Variants in SULT1B1 observed in about 807,000 individuals in gnomAD.
SULT1B1 encodes the protein sulfotransferase 1B1.
Under a neutral mutation model 34.6 loss-of-function variants are expected in SULT1B1, and 28 were observed. That is an observed-to-expected ratio of 0.81 (90% CI 0.60 to 1.11). SULT1B1 has a LOEUF of 1.11. Ranked by LOEUF, SULT1B1 falls within the 50% of genes least tolerant of loss-of-function variation. The pLI, the probability that SULT1B1 is intolerant of heterozygous loss-of-function variation, is 0.00. For synonymous variants in SULT1B1, 147 were observed against 110.2 expected (o/e 1.33, Z -2.09); for missense variants, 374 against 352.2 (o/e 1.06, Z -0.50).
intron 4 of SULT1B1, among the ~76,000 whole-genome samples, chr4:69,746,932 G>T (rs570821636): frequency 1.3e-5 from 2 of 152,246 alleles, no homozygotes; most frequent in African/African-American, 4.8e-5. Flanking sequence ...GGGTTTATTA[G>T]ATTGTTTTCC....
intron 6 of SULT1B1, among the ~76,000 whole-genome samples, chr4:69,731,769 A>C (rs1718089791): frequency 6.6e-6 from 1 of 152,222 alleles, no homozygotes; most frequent in Non-Finnish European, 1.5e-5. Context: ...GGATATGCTT[A>C]AAAAGGTAAC....
At position 69,752,754 on chromosome 4, in the gene SULT1B1, C is replaced by A. The variant is rs550610932; in HGVS notation, c.277+1916G>T. 2.4e-4 allele frequency among the ~76,000 whole-genome samples: 36 copies of A among 152,302 alleles called. 1 individual carries two copies. The highest frequency in any genetic ancestry group is 7.2e-4 in the African/African-American group (30 of 41,570). ...CAGTCAGCCTGCTGAGGGGCACCTCCATTATAGAAGAGGATTTGGATATTT... is the reference window on the plus strand; with the variant it reads ...CAGTCAGCCTGCTGAGGGGCACCTCAATTATAGAAGAGGATTTGGATATTT... On this transcript the variant is annotated intron_variant, in intron 3 of 7. Transcript: ENST00000310613.
chr4:69,752,202 T>A (rs1374897209), intron 3 of SULT1B1, among the ~76,000 whole-genome samples: 1 of 152,240 alleles, frequency 6.6e-6, no homozygotes, highest in East Asian at 1.9e-4. Flanking sequence ...TATACTTGAA[T>A]TTTAAGTTGA....
At position 69,730,508 on chromosome 4, in the gene SULT1B1, C is replaced by G. The variant is rs1278194502; in HGVS notation, c.771G>C (p.Met257Ile). The G allele has an allele frequency of 1.9e-6, 3 of 1,600,730 alleles. No individual in the cohort carries two copies. Among genetic ancestry groups the G allele is most frequent in the African/African-American group, 2.7e-5 (2 of 74,668 alleles). ...ACCCAGCAAAGTATTTACCTTTACG[C>G]ATAAAAGGGGATTTGCTATGATCCA... ...TVMDHSKSPF[M>I]RKGTAGDWKN... The change falls in exon 7 of 8, where the codon ATG becomes ATC. Residue 257 changes from methionine to isoleucine, a missense_variant. Physicochemically the swap from Met to Ile is conservative, Grantham distance 10 (BLOSUM62 1). Coordinates refer to ENST00000310613, the MANE Select transcript of SULT1B1 (RefSeq NM_014465.4).
In SULT1B1 at chr4:69,726,313, C is replaced by T. The variant is rs1717835560; in HGVS notation, c.*775G>A. ...ATATAAGATTAAGTAACTGAAGTTC[C>T]CAAATGGTGACCAGAACACAGCAGT... is the stretch of plus-strand genomic sequence containing the variant. On this transcript the variant is annotated 3_prime_UTR_variant, in exon 8 of 8. Transcript: ENST00000310613. 1 of 151,026 alleles carries T rather than the reference C, an allele frequency of 6.6e-6. No homozygotes were observed. The highest frequency in any genetic ancestry group is 2.1e-4 in the South Asian group (1 of 4,794). 9.4% of individuals were successfully genotyped at this position (151,026 alleles called of 1,614,324 possible). A position where few individuals can be genotyped will look rare whatever the true frequency, so the allele number is the denominator to read the frequency against.
At chr4:69,737,399 A>G (rs1204169713) in intron 4 of SULT1B1, among the ~76,000 whole-genome samples, 1 of 152,196 alleles carries the variant, frequency 6.6e-6, no homozygotes, top group African/African-American at 2.4e-5. Context: ...AAAACTTTAG[A>G]AAAGAAAAAG....
At chr4:69,733,824 A>G (rs949595944) in intron 5 of SULT1B1, among the ~76,000 whole-genome samples, 4 of 152,160 alleles carry the variant, frequency 2.6e-5, no homozygotes, top group African/African-American at 7.2e-5. Context: ...TAAATATGAC[A>G]TATGCATTAA....
chr4:69,749,620 T>A, intron 4 of SULT1B1, 101 bp downstream of exon 4: 1 of 779,670 alleles, frequency 1.3e-6, no homozygotes. Context: ...TTGTTGCAAG[T>A]ATATGGTTAA....
At chr4:69,755,425 A>G (rs11569730) in intron 1 of SULT1B1, among the ~76,000 whole-genome samples, 164 bp from the exon 2 acceptor site, 18 of 152,178 alleles carry the variant, frequency 1.2e-4, no homozygotes, top group African/African-American at 3.9e-4. Flanking sequence ...AGATTGCAAG[A>G]GCAGTAACTG....
intron 4 of SULT1B1, among the ~76,000 whole-genome samples, chr4:69,735,532 G>C (rs1452120861): frequency 6.6e-6 from 1 of 152,146 alleles, no homozygotes; most frequent in Non-Finnish European, 1.5e-5. Context: ...CATTCACAGT[G>C]ATGACATCAG....
chr4:69,727,102 G>A lies in SULT1B1; in HGVS notation c.877C>T (p.Arg293Cys), dbSNP rs143470126. 166 of 1,602,910 alleles carry A rather than the reference G, an allele frequency of 1.0e-4. No individual in the cohort carries two copies. In the East Asian group the frequency reaches 2.0e-3, roughly 20 times the overall value. Residue 293 changes from arginine (R) to cysteine (C), a missense_variant, in exon 8 of 8, where the codon CGC becomes TGC. Transcript: ENST00000310613. Reference protein sequence around the residue: ...TEMSKTALQFRTEI With the variant: ...TEMSKTALQFCTEI ...ATTTAGACACTTTAAATCTCTGTGCGGAATTGAAGTGCAGTTTTGGACATT... is the reference window on the plus strand; with the variant it reads ...ATTTAGACACTTTAAATCTCTGTGCAGAATTGAAGTGCAGTTTTGGACATT...
At chr4:69,735,173 A>G (rs1718253453) in intron 4 of SULT1B1, among the ~76,000 whole-genome samples, 1 of 152,118 alleles carries the variant, frequency 6.6e-6, no homozygotes, top group Non-Finnish European at 1.5e-5. Context: ...ACAATGATAC[A>G]AGAACTCCAA....
At chr4:69,754,103 G>A (rs182500141) in intron 3 of SULT1B1, among the ~76,000 whole-genome samples, 2 of 151,928 alleles carry the variant, frequency 1.3e-5, no homozygotes, top group Admixed American at 6.6e-5. Flanking sequence ...CCTATTGTTC[G>A]CTTCCACAGA....
rs1267280490 is a variant in SULT1B1, at chr4:69,754,870, A to G, written c.149-72T>C. 3.9e-6 allele frequency: 6 copies of G among 1,522,098 alleles called. No homozygotes were observed. In the East Asian group the frequency reaches 1.1e-4, roughly 29 times the overall value. 94.3% of individuals were successfully genotyped at this position (1,522,098 alleles called of 1,614,324 possible). ...GGAGAGGGAGAAGAATTTATTGGAA[A>G]CACTACCATCTTAACACATTCTATT... On this transcript the variant is annotated intron_variant, in intron 2 of 7. Coordinates refer to ENST00000310613, the MANE Select transcript of SULT1B1 (RefSeq NM_014465.4).
chr4:69,747,622 C>T (rs1718801137), intron 4 of SULT1B1, among the ~76,000 whole-genome samples: 1 of 152,240 alleles, frequency 6.6e-6, no homozygotes, highest in African/African-American at 2.4e-5. Flanking sequence ...CCATGTTCCA[C>T]TGCAGCTATT....
At chr4:69,728,053 T>C (rs1717906529) in intron 7 of SULT1B1, among the ~76,000 whole-genome samples, 1 of 152,030 alleles carries the variant, frequency 6.6e-6, no homozygotes, top group Non-Finnish European at 1.5e-5. Flanking sequence ...TTTTCCCTAG[T>C]TGTTACATTT....
At chr4:69,743,927 G>A (rs1308727299) in intron 4 of SULT1B1, among the ~76,000 whole-genome samples, 5 of 152,162 alleles carry the variant, frequency 3.3e-5, no homozygotes, top group African/African-American at 1.2e-4. Flanking sequence ...AGCTGCGCAT[G>A]GGTGGCTGCA....
chr4:69,730,862 CTGTTA>C (rs1272435949), intron 6 of SULT1B1, among the ~76,000 whole-genome samples, 181 bp from the exon 7 acceptor site: 3 of 152,030 alleles, frequency 2.0e-5, no homozygotes. Flanking sequence ...TCAAGAATAT[CTGTTA>C]TATTTTCTGT....
At chr4:69,758,226 G>T in intron 1 of SULT1B1, 1 of 816,090 alleles carries the variant, frequency 1.2e-6, no homozygotes, top group Non-Finnish European at 1.5e-6. Flanking sequence ...AAGTCTGTAA[G>T]CAGTGTACTT....
Sources: gnomAD v4.1 joint callset for allele counts (sites outside exome capture counted in the v4.1 genomes callset) on GRCh38, gnomAD v4.1.1 for gene constraint, MANE v1.5 for transcripts, NCBI Gene and HGNC (gene_info 2026-07-23, HGNC 2026-07-21) for gene names.